Variants in COL18A1 observed in about 807,000 individuals in gnomAD.
The protein encoded by COL18A1 is collagen type XVIII alpha 1 chain, also known as collagen alpha-1(XVIII) chain.
In COL18A1, 133 loss-of-function variants were observed where a neutral mutation model predicts 168.0. The observed-to-expected ratio is 0.79, with a 90% CI of 0.69 to 0.91. The LOEUF (loss-of-function observed/expected upper bound fraction) is 0.91. COL18A1 is among the 40% of genes least tolerant of loss of function. The pLI, the probability that COL18A1 is intolerant of heterozygous loss-of-function variation, is 0.00. For synonymous variants in COL18A1, 949 were observed against 809.0 expected, an observed-to-expected ratio of 1.17 and a Z score of -2.94; for missense variants, 2,126 against 1,925.4, an observed-to-expected ratio of 1.10 and a Z score of -1.95.
intron 2 of COL18A1, among the ~76,000 whole-genome samples, chr21:45,414,774 G>C (rs140996039): frequency 0.014 from 2,081 of 152,342 alleles, 30 homozygotes; most frequent in Non-Finnish European, 0.021. Context: ...CCGATCACAC[G>C]CATAGAAGGC....
intron 2 of COL18A1, among the ~76,000 whole-genome samples, chr21:45,417,280 G>C (rs56770975): frequency 6.6e-6 from 1 of 152,158 alleles, no homozygotes; most frequent in Non-Finnish European, 1.5e-5. Flanking sequence ...GGGATTCTTA[G>C]CCTCTTAATG....
intron 30 of COL18A1, 151 bp from the exon 31 acceptor site, chr21:45,496,899 G>A (rs879022642): frequency 1.2e-4 from 87 of 705,248 alleles, no homozygotes; most frequent in South Asian, 1.1e-3. Context: ...CCTGCTCTCC[G>A]TACCCCTGTT....
chr21:45,441,572 G>A (rs1362956105), intron 2 of COL18A1, among the ~76,000 whole-genome samples: 2 of 152,138 alleles, frequency 1.3e-5, no homozygotes, highest in African/African-American at 2.4e-5. Context: ...CATGGTTCCC[G>A]TCCCGGGCTG....
chr21:45,441,173 C>G (rs2034360432), intron 2 of COL18A1, among the ~76,000 whole-genome samples: 1 of 152,162 alleles, frequency 6.6e-6, no homozygotes, highest in African/African-American at 2.4e-5. Flanking sequence ...TGGGGTCTTG[C>G]AGGTTCTGGA....
In COL18A1 at chr21:45,481,965, AC is replaced by A. The variant is rs2035912994; in HGVS notation, c.1619del (p.Pro540GlnfsTer184). On this transcript the variant is annotated frameshift_variant, in exon 14 of 42. Coordinates refer to ENST00000651438, the MANE Select transcript of COL18A1 (RefSeq NM_001379500.1). LOFTEE classifies it high-confidence loss of function. Reference protein sequence around the residue: ...GPPGFPGLPGPPGPPGREGPP... With the variant: ...GPPGFPGLPGXPGPPGREGPP... ...CACTATGCTCTGCTCTCCCCCAGGG[AC>A]CCCCAGGCCCTCCGGGAAGAGAGGG... 1 of 1,611,292 alleles carries A rather than the reference AC, an allele frequency of 6.2e-7. No individual in the cohort carries two copies. The highest frequency in any genetic ancestry group is 8.5e-7 in the Non-Finnish European group (1 of 1,177,612).
At chr21:45,488,509 C>CTGGGGGAGACAGGGCCT (rs2036192785) in intron 18 of COL18A1, 65 bp downstream of exon 18, 2 of 1,610,746 alleles carry the variant, frequency 1.2e-6, no homozygotes, top group African/African-American at 2.7e-5. Flanking sequence ...CATCTTGGGG[C>CTGGGGGAGACAGGGCCT]TGGGGGAGAC....
intron 15 of COL18A1, 31 bp downstream of exon 15, chr21:45,482,852 C>G (rs370557958): frequency 1.2e-6 from 2 of 1,614,002 alleles, no homozygotes; most frequent in African/African-American, 1.3e-5. Flanking sequence ...ACATCAGTCC[C>G]CTGCCCCTGG....
At position 45,479,763 on chromosome 21, in the gene COL18A1, C is replaced by A. The variant is rs973152112; in HGVS notation, c.1249-139C>A. ...GACAGTCTGCTGGGCCTGGCGCCCT[C>A]GTACTTTCCGGGCCCCAGAGACTCC... On this transcript the variant is annotated intron_variant, in intron 9 of 41. Transcript: ENST00000651438. 5.1e-5 allele frequency: 63 copies of A among 1,239,466 alleles called. No individual in the cohort carries two copies. In the African/African-American group the frequency reaches 8.8e-4, roughly 17 times the overall value. 76.8% of individuals were successfully genotyped at this position (1,239,466 alleles called of 1,614,324 possible).
At position 45,446,298 on chromosome 21, in the gene COL18A1, C is replaced by T. The variant is rs557236250; in HGVS notation, c.107-21944C>T. 1.5e-4 allele frequency among the ~76,000 whole-genome samples: 23 copies of T among 152,296 alleles called. No individual in the cohort carries two copies. The East Asian group carries it at 1.5e-3, about 10-fold the overall frequency. ...GCACCGATGCGTGTGTCTGTCCTTGCGCCACTCCCACACTGTCCTGTTACC... is the reference window on the plus strand; with the variant it reads ...GCACCGATGCGTGTGTCTGTCCTTGTGCCACTCCCACACTGTCCTGTTACC... On this transcript the variant is annotated intron_variant, in intron 2 of 41. Coordinates refer to ENST00000651438, the MANE Select transcript of COL18A1 (RefSeq NM_001379500.1).
chr21:45,445,836 CT>C (rs1343130701), intron 2 of COL18A1, among the ~76,000 whole-genome samples: 8 of 152,150 alleles, frequency 5.3e-5, no homozygotes, highest in Non-Finnish European at 2.9e-5. Context: ...TTTACATCAT[CT>C]AGATAGAAGT....
intron 32 of COL18A1, among the ~76,000 whole-genome samples, chr21:45,503,622 T>A (rs1433128675): frequency 2.5e-5 from 3 of 118,036 alleles, no homozygotes; most frequent in East Asian, 2.6e-4. Flanking sequence ...AACATCACAC[T>A]CTGGGGACTG....
At chr21:45,408,527 T>A (rs2123495019) in intron 2 of COL18A1, 1 of 152,332 alleles carries the variant, frequency 6.6e-6, no homozygotes, top group African/African-American at 2.4e-5. Context: ...TGTGGTATGA[T>A]CAACAGCACC....
chr21:45,477,066 T>C (rs977760239), intron 6 of COL18A1, among the ~76,000 whole-genome samples: 2 of 151,966 alleles, frequency 1.3e-5, no homozygotes, highest in Non-Finnish European at 2.9e-5. Flanking sequence ...AAGTAAAAGT[T>C]AAGAGGGAAA....
rs77189432 is a variant in COL18A1, at chr21:45,497,936, G to A, written c.2683+275G>A. 93 of 605,438 alleles carry A rather than the reference G, an allele frequency of 1.5e-4. No individual in the cohort carries two copies. The East Asian group carries it at 2.3e-3, about 15-fold the overall frequency. 37.5% of individuals were successfully genotyped at this position (605,438 alleles called of 1,614,324 possible). A position where few individuals can be genotyped will look rare whatever the true frequency, so the allele number is the denominator to read the frequency against. ...TGCCCTTCCATGCTAGACCCAGGTGGGCACTGCGCAGAGACACAGCAGCTT... is the reference window on the plus strand; with the variant it reads ...TGCCCTTCCATGCTAGACCCAGGTGAGCACTGCGCAGAGACACAGCAGCTT... On this transcript the variant is annotated intron_variant, in intron 32 of 41. Coordinates refer to ENST00000651438, the MANE Select transcript of COL18A1 (RefSeq NM_001379500.1).
intron 32 of COL18A1, among the ~76,000 whole-genome samples, chr21:45,500,190 T>TGTA (rs1227419716): frequency 9.0e-5 from 5 of 55,408 alleles, no homozygotes; most frequent in African/African-American, 4.4e-4. Flanking sequence ...AGTGTGGGTG[T>TGTA]GTGTGGAGTG....
At chr21:45,436,609 G>T (rs2034105074) in intron 2 of COL18A1, among the ~76,000 whole-genome samples, 2 of 147,396 alleles carry the variant, frequency 1.4e-5, no homozygotes, top group South Asian at 4.6e-4. Context: ...TGGATGGCGG[G>T]AAAGTGCCCC....
Position 45,477,591 on chromosome 21 carries a change from C to T in COL18A1, c.1005+104C>T, listed in dbSNP as rs528996970. ...CTGATGAAGCCCCTCTGTGCCCGTG[C>T]CTCCTTTGTGCCCAGCACTCGGTGC... On this transcript the variant is annotated intron_variant, in intron 7 of 41. Transcript: ENST00000651438. 204 of 1,315,252 alleles carry T rather than the reference C, an allele frequency of 1.6e-4. No individual in the cohort carries two copies. The Middle Eastern group carries it at 3.7e-3, about 24-fold the overall frequency. 81.5% of individuals were successfully genotyped at this position (1,315,252 alleles called of 1,614,324 possible). A position where few individuals can be genotyped will look rare whatever the true frequency, so the allele number is the denominator to read the frequency against.
At chr21:45,475,414 G>A in intron 4 of COL18A1, 62 bp from the exon 5 acceptor site, 1 of 1,467,896 alleles carries the variant, frequency 6.8e-7, no homozygotes, top group Non-Finnish European at 9.3e-7. Flanking sequence ...TCCCAGGCCT[G>A]CCGGGCTCGG....
intron 2 of COL18A1, chr21:45,455,474 C>T: frequency 1.2e-6 from 2 of 1,604,052 alleles, no homozygotes; most frequent in East Asian, 2.2e-5. Context: ...CCTGGCTAGC[C>T]CCACCTCCAG....
Sources: gnomAD v4.1 joint callset for allele counts (sites outside exome capture counted in the v4.1 genomes callset) on GRCh38, gnomAD v4.1.1 for gene constraint, MANE v1.5 for transcripts, NCBI Gene and HGNC (gene_info 2026-07-23, HGNC 2026-07-21) for gene names.